The following CDH4 variants were observed in gnomAD, a reference collection of about 807,000 sequenced individuals.
CDH4 encodes the protein cadherin 4, also known as cadherin-4.
CDH4 carries 33 observed loss-of-function variants against 86.0 expected under a neutral mutation model. The observed-to-expected ratio is 0.38, with a 90% CI of 0.29 to 0.51. The LOEUF is 0.51. Ranked by LOEUF, CDH4 falls within the 20% of genes least tolerant of loss-of-function variation. The pLI, the probability that CDH4 is intolerant of heterozygous loss-of-function variation, is 0.86. For missense variants in CDH4, 1,114 were observed against 1,307.4 expected (o/e 0.85, Z 2.28); for synonymous variants, 555 against 549.4 (o/e 1.01, Z -0.14).
intron 2 of CDH4, among the ~76,000 whole-genome samples, chr20:61,397,996 G>T (rs557088045): frequency 6.6e-6 from 1 of 152,202 alleles, no homozygotes; most frequent in East Asian, 1.9e-4. Context: ...ACCGCATGCC[G>T]AGCTGCGTGC....
At chr20:61,408,893 C>T (rs960605289) in intron 2 of CDH4, among the ~76,000 whole-genome samples, 2 of 152,162 alleles carry the variant, frequency 1.3e-5, no homozygotes, top group East Asian at 3.8e-4. Flanking sequence ...CAGATGGCCA[C>T]GGGGTCACGG....
At chr20:61,459,368 G>A (rs901477232) in intron 2 of CDH4, among the ~76,000 whole-genome samples, 3 of 151,980 alleles carry the variant, frequency 2.0e-5, no homozygotes, top group Non-Finnish European at 4.4e-5. Flanking sequence ...TGGGCATGAT[G>A]GAGCAATGGT....
At chr20:61,843,452 G>A (rs866696347) in intron 4 of CDH4, among the ~76,000 whole-genome samples, 63 of 45,468 alleles carry the variant, frequency 1.4e-3, no homozygotes, top group African/African-American at 3.8e-3. Flanking sequence ...GCGAGACTCC[G>A]TCTCAAAAAA....
At chr20:61,548,845 T>C (rs2086107420) in intron 2 of CDH4, among the ~76,000 whole-genome samples, 1 of 152,220 alleles carries the variant, frequency 6.6e-6, no homozygotes. Context: ...TGGCAGGTGA[T>C]TGGAACATTA....
intron 4 of CDH4, among the ~76,000 whole-genome samples, chr20:61,823,224 GTGA>G (rs1213993300): frequency 2.4e-5 from 1 of 42,552 alleles, no homozygotes. Flanking sequence ...GTTGGTGATG[GTGA>G]TGATGATGAT....
intron 2 of CDH4, among the ~76,000 whole-genome samples, chr20:61,649,985 G>A (rs570286915): frequency 2.0e-4 from 31 of 152,276 alleles, no homozygotes; most frequent in African/African-American, 7.2e-4. Context: ...TTCTGCCTGC[G>A]CCGGAGCCCT....
intron 2 of CDH4, among the ~76,000 whole-genome samples, chr20:61,263,470 C>G (rs1387817425): frequency 2.6e-5 from 4 of 152,166 alleles, no homozygotes; most frequent in Non-Finnish European, 4.4e-5. Context: ...TTTGGGGGGA[C>G]TTACCATGTG....
intron 4 of CDH4, among the ~76,000 whole-genome samples, chr20:61,841,504 C>T (rs1030412246): frequency 1.3e-5 from 2 of 152,174 alleles, no homozygotes; most frequent in Non-Finnish European, 2.9e-5. Flanking sequence ...GCAGGAATAA[C>T]GTTGCTGGTG....
At chr20:61,314,569 C>T (rs569407565) in intron 2 of CDH4, among the ~76,000 whole-genome samples, 1 of 152,332 alleles carries the variant, frequency 6.6e-6, no homozygotes, top group African/African-American at 2.4e-5. Flanking sequence ...GAAGAATGTG[C>T]TGCAATGAAC....
At chr20:61,424,236 C>T (rs1051092054) in intron 2 of CDH4, among the ~76,000 whole-genome samples, 1 of 142,340 alleles carries the variant, frequency 7.0e-6, no homozygotes, top group Non-Finnish European at 1.6e-5. Context: ...ATACACATAT[C>T]CACATGTATC....
intron 2 of CDH4, among the ~76,000 whole-genome samples, chr20:61,483,744 G>A (rs1429730027): frequency 6.7e-6 from 1 of 148,582 alleles, no homozygotes; most frequent in East Asian, 2.0e-4. Context: ...GCATGCCCTG[G>A]AGAAACCATG....
At position 61,336,728 on chromosome 20, in the gene CDH4, A is replaced by G. The variant is rs891621717; in HGVS notation, c.169+81791A>G. Among the ~76,000 whole-genome samples the G allele has an allele frequency of 4.6e-5, 7 of 152,292 alleles. No homozygotes were observed. The South Asian group carries it at 1.5e-3, about 32-fold the overall frequency. ...CTCACTTCAGAGGGTCGATTGCCCA[A>G]TTCATTGAGAATCAGTTGAAGGTAA... On this transcript the variant is annotated intron_variant, in intron 2 of 15. Coordinates refer to ENST00000614565, the MANE Select transcript of CDH4 (RefSeq NM_001794.5).
intron 8 of CDH4, among the ~76,000 whole-genome samples, chr20:61,897,616 G>T (rs769894548): frequency 2.0e-5 from 3 of 152,226 alleles, no homozygotes; most frequent in African/African-American, 7.2e-5. Context: ...CGCCGCAACT[G>T]CTGACCGGCC....
At chr20:61,889,849 T>TAATG (rs1404733258) in intron 7 of CDH4, among the ~76,000 whole-genome samples, 1 of 145,600 alleles carries the variant, frequency 6.9e-6, no homozygotes, top group East Asian at 2.2e-4. Context: ...GATGGATAGA[T>TAATG]AATGGATGGA....
intron 2 of CDH4, among the ~76,000 whole-genome samples, chr20:61,592,632 A>G (rs2086526221): frequency 6.6e-6 from 1 of 151,130 alleles, no homozygotes; most frequent in African/African-American, 2.4e-5. Context: ...TTCCCCCTCC[A>G]CCCTGCTTTT....
intron 2 of CDH4, among the ~76,000 whole-genome samples, chr20:61,467,696 C>T (rs1378444514): frequency 6.6e-6 from 1 of 152,198 alleles, no homozygotes; most frequent in Non-Finnish European, 1.5e-5. Context: ...GGTTCTTAAT[C>T]AGTGATGCTT....
At chr20:61,506,739 CAAG>C (rs2085743935) in intron 2 of CDH4, among the ~76,000 whole-genome samples, 1 of 152,160 alleles carries the variant, frequency 6.6e-6, no homozygotes, top group African/African-American at 2.4e-5. Context: ...GAGAGCAACT[CAAG>C]AGAGGCTTTT....
At position 61,714,576 on chromosome 20, in the gene CDH4, T is replaced by A. The variant is rs2087931901; in HGVS notation, c.170-28987T>A. On this transcript the variant is annotated intron_variant, in intron 2 of 15. Transcript: ENST00000614565. ...GCTACCCTCCCACACTCCCCTCTTCTGGGTCTTCAGTGTCCATTATACCAC... is the reference window on the plus strand; with the variant it reads ...GCTACCCTCCCACACTCCCCTCTTCAGGGTCTTCAGTGTCCATTATACCAC... 2.0e-5 allele frequency among the ~76,000 whole-genome samples: 3 copies of A among 152,168 alleles called. No homozygotes were observed. In the South Asian group the frequency reaches 6.3e-4, roughly 32 times the overall value.
At chr20:61,273,405 ATTGGGGGAG>A (rs1374370627) in intron 2 of CDH4, among the ~76,000 whole-genome samples, 2 of 91,298 alleles carry the variant, frequency 2.2e-5, no homozygotes, top group Non-Finnish European at 4.0e-5. Flanking sequence ...TTGGGGGAGT[ATTGGGGGAG>A]TACCATGTGC....
Sources: gnomAD v4.1 joint callset for allele counts (sites outside exome capture counted in the v4.1 genomes callset) on GRCh38, gnomAD v4.1.1 for gene constraint, MANE v1.5 for transcripts, NCBI Gene and HGNC (gene_info 2026-07-23, HGNC 2026-07-21) for gene names.